RASA2: variants seen among roughly 807,000 people sequenced by gnomAD.
RASA2 encodes the protein ras GTPase-activating protein 2.
In RASA2, 155 loss-of-function variants were observed where a neutral mutation model predicts 118.2. The ratio of observed to expected loss-of-function variants is 1.31; its 90% CI spans 1.15 to 1.50. RASA2 has a LOEUF of 1.50. RASA2 is among the 40% of genes most tolerant of loss of function. RASA2 has a pLI of 0.00. For synonymous variants in RASA2, 353 were observed against 349.1 expected (o/e 1.01, Z -0.12); for missense variants, 1,016 against 1,009.6 (o/e 1.01, Z -0.09).
chr3:141,577,063 C>A lies in RASA2; in HGVS notation c.1547C>A (p.Ala516Asp). Residue 516 changes from alanine to aspartate, a missense_variant, in exon 15 of 24, where the codon GCC becomes GAC. Around this residue, in one of 2 missense-constraint regions of RASA2, gnomAD observed 896 missense variants for 836.4 expected, o/e 1.07. Transcript: ENST00000286364. ...SFVFLRFFAV[A>D]VVSPHTFHLR... ...GTATTTCTTCGTTTCTTTGCTGTAG[C>A]CGTAGTATCACCTCATACTTTTCAT... 6.2e-7 allele frequency: 1 copy of A among 1,611,532 alleles called. No individual in the cohort carries two copies. Among genetic ancestry groups the A allele is most frequent in the Non-Finnish European group, 8.5e-7 (1 of 1,178,422 alleles).
intron 5 of RASA2, among the ~76,000 whole-genome samples, chr3:141,553,026 A>G (rs918907676): frequency 2.0e-5 from 3 of 152,228 alleles, no homozygotes; most frequent in Non-Finnish European, 4.4e-5. Context: ...ACTGTGAGCC[A>G]TGGAGTAGAT....
At chr3:141,490,681 T>C (rs2081630050) in intron 1 of RASA2, among the ~76,000 whole-genome samples, 1 of 152,206 alleles carries the variant, frequency 6.6e-6, no homozygotes, top group Non-Finnish European at 1.5e-5. Flanking sequence ...AAGAATAGCC[T>C]AGGGTTATTT....
At chr3:141,585,162 AC>A (rs1476702663) in intron 17 of RASA2, among the ~76,000 whole-genome samples, 2 of 152,182 alleles carry the variant, frequency 1.3e-5, no homozygotes, top group African/African-American at 4.8e-5. Flanking sequence ...AATCATTGGG[AC>A]CAAAAGTATT....
Position 141,559,902 on chromosome 3 carries a change from T to G in RASA2, c.770T>G (p.Leu257Trp). 6.2e-7 allele frequency: 1 copy of G among 1,612,988 alleles called. No individual in the cohort carries two copies. The highest frequency in any genetic ancestry group is 8.5e-7 in the Non-Finnish European group (1 of 1,179,222). The change falls in exon 9 of 24, where the codon TTG (leucine) becomes TGG (tryptophan). Residue 257 changes from leucine to tryptophan, a missense_variant. By Grantham distance (61) the Leu-to-Trp change is moderately conservative. Around this residue, in one of 2 missense-constraint regions of RASA2, gnomAD observed 896 missense variants for 836.4 expected, o/e 1.07. Coordinates refer to ENST00000286364, the MANE Select transcript of RASA2 (RefSeq NM_006506.5). ...CAGTTTTCAATTTTCAGGATCGACT[T>G]GTGGAACAATGGAAACCTAGTCCAA... ...DIEKLEIRID[L>W]WNNGNLVQDV...
At chr3:141,565,502 A>G (rs1262986149) in intron 9 of RASA2, among the ~76,000 whole-genome samples, 2 of 152,186 alleles carry the variant, frequency 1.3e-5, no homozygotes, top group East Asian at 1.9e-4. Context: ...CCAGGTGAAG[A>G]TAATTGAATC....
chr3:141,564,116 A>G (rs1043580428), intron 9 of RASA2, among the ~76,000 whole-genome samples: 1 of 152,142 alleles, frequency 6.6e-6, no homozygotes, highest in African/African-American at 2.4e-5. Flanking sequence ...AAAACAATGT[A>G]TGCATAAAAA....
chr3:141,532,910 T>C (rs2082279197), intron 4 of RASA2, among the ~76,000 whole-genome samples: 1 of 152,178 alleles, frequency 6.6e-6, no homozygotes. Flanking sequence ...TTTTTTTTCT[T>C]TCCCTTTCAT....
chr3:141,490,982 A>T (rs1024996712), intron 1 of RASA2, among the ~76,000 whole-genome samples: 11 of 152,200 alleles, frequency 7.2e-5, no homozygotes, highest in Non-Finnish European at 7.3e-5. Context: ...GAAGGAGTAA[A>T]GTAGGAGATA....
intron 3 of RASA2, among the ~76,000 whole-genome samples, chr3:141,520,029 T>G (rs1376690752): frequency 6.8e-6 from 1 of 147,390 alleles, no homozygotes; most frequent in Non-Finnish European, 1.5e-5. Flanking sequence ...TTTTTTTTTT[T>G]TTGAGATGGA....
chr3:141,615,032 T>C lies in RASA2; in HGVS notation c.*2719T>C, dbSNP rs532536153. 3.2e-4 allele frequency: 49 copies of C among 152,278 alleles called. No homozygotes were observed. The highest frequency in any genetic ancestry group is 1.1e-3 in the African/African-American group (46 of 41,568). 9.4% of individuals were successfully genotyped at this position (152,278 alleles called of 1,614,324 possible). ...TGTAAAGACAGAATTCTGCATAGCCTTTTAGGTGTTTTTACAGTATGTGAA... is the reference window on the plus strand; with the variant it reads ...TGTAAAGACAGAATTCTGCATAGCCCTTTAGGTGTTTTTACAGTATGTGAA... On this transcript the variant is annotated 3_prime_UTR_variant, in exon 24 of 24. Transcript: ENST00000286364.
intron 9 of RASA2, among the ~76,000 whole-genome samples, 183 bp downstream of exon 9, chr3:141,560,178 C>A (rs1354316939): frequency 6.6e-6 from 1 of 152,044 alleles, no homozygotes; most frequent in African/African-American, 2.4e-5. Flanking sequence ...TATGACTTGA[C>A]CTGTGGTACT....
chr3:141,518,872 C>A (rs2082070203), intron 3 of RASA2, among the ~76,000 whole-genome samples: 1 of 151,986 alleles, frequency 6.6e-6, no homozygotes, highest in Non-Finnish European at 1.5e-5. Flanking sequence ...TTTTCCTTTT[C>A]AATTAATACC....
chr3:141,507,111 G>A (rs2081881015), intron 1 of RASA2, among the ~76,000 whole-genome samples: 1 of 152,110 alleles, frequency 6.6e-6, no homozygotes, highest in South Asian at 2.1e-4. Context: ...CCCTTTTTAA[G>A]TGTGCTGCTA....
chr3:141,534,699 T>A (rs1308121064), intron 4 of RASA2, among the ~76,000 whole-genome samples: 1 of 152,144 alleles, frequency 6.6e-6, no homozygotes, highest in Non-Finnish European at 1.5e-5. Context: ...AAACATGCCC[T>A]ATTCAAGACA....
chr3:141,488,500 A>T (rs1445123396), intron 1 of RASA2, among the ~76,000 whole-genome samples: 1 of 152,098 alleles, frequency 6.6e-6, no homozygotes, highest in Non-Finnish European at 1.5e-5. Flanking sequence ...TTGGGATTTT[A>T]TGAAACCTCA....
intron 8 of RASA2, 113 bp downstream of exon 8, chr3:141,559,075 G>A (rs1307221530): frequency 1.2e-6 from 1 of 816,018 alleles, no homozygotes; most frequent in African/African-American, 1.8e-5. Flanking sequence ...CAAGTTGGTT[G>A]ATGAAACTTA....
chr3:141,555,847 CA>C lies in RASA2; in HGVS notation c.623del (p.Lys208ArgfsTer5). On this transcript the variant is annotated frameshift_variant, in exon 7 of 24. Transcript: ENST00000286364. LOFTEE classifies it high-confidence loss of function. ...VSLVGPSRNDQKKTKVKKKTS... is the reference protein window; with the variant it reads ...VSLVGPSRNDXKKTKVKKKTS... Reference sequence around the variant, plus strand: ...TCTACCACATTGGAACAGGAATGACCAAAAGAAGACAAAAGTAAAGAAGAAA... The same window carrying C: ...TCTACCACATTGGAACAGGAATGACCAAAGAAGACAAAAGTAAAGAAGAAA... 6.2e-7 allele frequency: 1 copy of C among 1,611,262 alleles called. No individual in the cohort carries two copies. Among genetic ancestry groups the C allele is most frequent in the Non-Finnish European group, 8.5e-7 (1 of 1,178,466 alleles).
intron 5 of RASA2, among the ~76,000 whole-genome samples, chr3:141,542,337 C>T (rs2082416812): frequency 6.6e-6 from 1 of 152,110 alleles, no homozygotes; most frequent in Admixed American, 6.6e-5. Flanking sequence ...TGAGATTCAT[C>T]CACACTGTAC....
chr3:141,542,969 T>C (rs1166914551), intron 5 of RASA2, among the ~76,000 whole-genome samples: 1 of 152,172 alleles, frequency 6.6e-6, no homozygotes, highest in Non-Finnish European at 1.5e-5. Flanking sequence ...TGGGTCACTT[T>C]TTTAAAAAAA....
Sources: gnomAD v4.1 joint callset for allele counts (sites outside exome capture counted in the v4.1 genomes callset) on GRCh38, gnomAD v4.1.1 for gene constraint, gnomAD v4.1.1 regional missense constraint, MANE v1.5 for transcripts, NCBI Gene and HGNC (gene_info 2026-07-23, HGNC 2026-07-21) for gene names.